Variants in KCNH8 observed in about 807,000 individuals in gnomAD.
The protein encoded by KCNH8 is potassium voltage-gated channel subfamily H member 8, also known as voltage-gated delayed rectifier potassium channel KCNH8.
KCNH8 carries 70 observed loss-of-function variants against 103.6 expected under a neutral mutation model. The observed-to-expected ratio is 0.68, with a 90% CI of 0.56 to 0.82. The LOEUF (loss-of-function observed/expected upper bound fraction) is 0.82, where lower values mean the gene tolerates loss of function less well. Ranked by LOEUF, KCNH8 falls within the 40% of genes least tolerant of loss-of-function variation. The pLI, the probability that KCNH8 is intolerant of heterozygous loss-of-function variation, is 0.00. For missense variants in KCNH8, 1,217 were observed against 1,329.9 expected (o/e 0.92, Z 1.32); for synonymous variants, 498 against 489.4 (o/e 1.02, Z -0.23).
intron 11 of KCNH8, among the ~76,000 whole-genome samples, chr3:19,509,302 A>G (rs1575158764): frequency 6.6e-6 from 1 of 152,234 alleles, no homozygotes. Flanking sequence ...TCATCTAGGG[A>G]AAAAAATGAG....
In KCNH8 at chr3:19,535,604, A is replaced by C. The variant is rs1255293096; in HGVS notation, c.*1505A>C. ...TTCTCTTTATTTTCCACCACAAAAA[A>C]TAATCTGAGAATTGTATCATTAAAA... is the stretch of plus-strand genomic sequence containing the variant. On this transcript the variant is annotated 3_prime_UTR_variant, in exon 16 of 16. Transcript: ENST00000328405. 1 of 152,248 alleles carries C rather than the reference A, an allele frequency of 6.6e-6. No homozygotes were observed. The highest frequency in any genetic ancestry group is 1.5e-5 in the Non-Finnish European group (1 of 68,048). 9.4% of individuals were successfully genotyped at this position (152,248 alleles called of 1,614,324 possible).
At chr3:19,486,910 G>A (rs1270633017) in intron 11 of KCNH8, among the ~76,000 whole-genome samples, 1 of 152,080 alleles carries the variant, frequency 6.6e-6, no homozygotes, top group Non-Finnish European at 1.5e-5. Context: ...TGAATCCCAG[G>A]TAGCATACCT....
chr3:19,437,508 T>G (rs1251584922), intron 7 of KCNH8, among the ~76,000 whole-genome samples: 1 of 152,170 alleles, frequency 6.6e-6, no homozygotes, highest in African/African-American at 2.4e-5. Context: ...GTAGAGGGGC[T>G]TTCAATTCTA....
chr3:19,329,352 A>C (rs923550436), intron 3 of KCNH8, among the ~76,000 whole-genome samples: 1 of 152,200 alleles, frequency 6.6e-6, no homozygotes, highest in Admixed American at 6.6e-5. Flanking sequence ...TGGAAAGCAC[A>C]CTCAGAAGGC....
intron 2 of KCNH8, among the ~76,000 whole-genome samples, chr3:19,276,175 A>G (rs202052214): frequency 7.2e-4 from 102 of 141,986 alleles, no homozygotes; most frequent in African/African-American, 1.5e-3. Flanking sequence ...CAATATGTAT[A>G]TGTGTGTGTG....
At position 19,363,701 on chromosome 3, in the gene KCNH8, A is replaced by C. The variant is rs1451061805; in HGVS notation, c.811+15736A>C. On this transcript the variant is annotated intron_variant, in intron 5 of 15. Transcript: ENST00000328405. ...AATGCTTGTTACACTAGTAGCCCCC[A>C]AAAAGGTACTTTAATTCTAGGATTC... is the stretch of plus-strand genomic sequence containing the variant. 3.3e-5 allele frequency among the ~76,000 whole-genome samples: 5 copies of C among 152,134 alleles called. No homozygotes were observed. The East Asian group carries it at 5.8e-4, about 18-fold the overall frequency.
Position 19,518,011 on chromosome 3 carries a change from A to G in KCNH8, c.2556A>G (p.Gly852=). The G allele has an allele frequency of 6.2e-7, 1 of 1,612,150 alleles. No homozygotes were observed. ...GTCACTTTTCAGATCCAGAGATTGGAGCTGCTGTTCTCTTCATCAAAGCAG... is the reference window on the plus strand; with the variant it reads ...GTCACTTTTCAGATCCAGAGATTGGGGCTGCTGTTCTCTTCATCAAAGCAG... ...ISPPLGDPEI[G]AAVLFIKAEE... The change falls in exon 15 of 16, where the codon GGA becomes GGG. Residue 852 remains glycine (G), a synonymous_variant. Coordinates refer to ENST00000328405, the MANE Select transcript of KCNH8 (RefSeq NM_144633.3).
chr3:19,398,058 G>T (rs763169733), intron 7 of KCNH8, among the ~76,000 whole-genome samples: 4 of 151,846 alleles, frequency 2.6e-5, no homozygotes, highest in Non-Finnish European at 5.9e-5. Flanking sequence ...AGAGCATGTT[G>T]TTCCTTATGT....
At chr3:19,299,498 CT>C (rs930136955) in intron 3 of KCNH8, among the ~76,000 whole-genome samples, 39 of 152,200 alleles carry the variant, frequency 2.6e-4, no homozygotes, top group African/African-American at 8.4e-4. Flanking sequence ...CAAAAAGTGT[CT>C]CGTCTTGTTT....
intron 1 of KCNH8, among the ~76,000 whole-genome samples, chr3:19,165,031 G>A (rs1393134757): frequency 6.6e-6 from 1 of 152,112 alleles, no homozygotes; most frequent in African/African-American, 2.4e-5. Context: ...AATTACAAGA[G>A]ACATGAAGAA....
chr3:19,474,369 G>C (rs1433723223), intron 11 of KCNH8, among the ~76,000 whole-genome samples: 1 of 152,176 alleles, frequency 6.6e-6, no homozygotes, highest in African/African-American at 2.4e-5. Flanking sequence ...CCTCCAGTTT[G>C]ATCAGATTCA....
intron 7 of KCNH8, among the ~76,000 whole-genome samples, chr3:19,417,030 A>G (rs1036588713): frequency 6.6e-6 from 1 of 151,818 alleles, no homozygotes. Flanking sequence ...CATCATTACC[A>G]CTGATTAGCT....
rs530289548 is a variant in KCNH8 at position 19,533,098 on chromosome 3, G to A, written c.2620-297G>A. 7.2e-5 allele frequency among the ~76,000 whole-genome samples: 11 copies of A among 151,772 alleles called. No individual in the cohort carries two copies. The East Asian group carries it at 2.1e-3, about 30-fold the overall frequency. The stretch of plus-strand genomic sequence containing the variant: ...GGGCGCCTGTAGTCCCAGCTACTCG[G>A]TAGGCTGAGGCAGGAGCATGGCGTG... On this transcript the variant is annotated intron_variant, in intron 15 of 15. Transcript: ENST00000328405.
At chr3:19,266,646 A>G (rs1399175312) in intron 2 of KCNH8, among the ~76,000 whole-genome samples, 1 of 152,100 alleles carries the variant, frequency 6.6e-6, no homozygotes, top group South Asian at 2.1e-4. Flanking sequence ...CCTGATATAT[A>G]GTAAATGCTA....
At chr3:19,283,812 G>A (rs117608252) in intron 3 of KCNH8, among the ~76,000 whole-genome samples, 3,540 of 151,108 alleles carry the variant, frequency 0.023, 107 homozygotes, top group East Asian at 0.084. Flanking sequence ...TCATGGTGGT[G>A]CGCACTTGTA....
At chr3:19,377,478 A>G (rs1289015886) in intron 5 of KCNH8, among the ~76,000 whole-genome samples, 1 of 152,212 alleles carries the variant, frequency 6.6e-6, no homozygotes, top group South Asian at 2.1e-4. Context: ...TATCCAATAT[A>G]TTTATGCTAA....
At chr3:19,493,049 G>A (rs2125225722) in intron 11 of KCNH8, among the ~76,000 whole-genome samples, 1 of 152,130 alleles carries the variant, frequency 6.6e-6, no homozygotes, top group East Asian at 1.9e-4. Context: ...GTATAGAAAT[G>A]CTATTGATTT....
intron 11 of KCNH8, among the ~76,000 whole-genome samples, chr3:19,494,294 G>C (rs2068390450): frequency 1.3e-5 from 2 of 152,158 alleles, no homozygotes; most frequent in African/African-American, 2.4e-5. Context: ...GTGTTGGTGG[G>C]AGGGACCCAG....
At chr3:19,449,695 C>A (rs1303865341) in intron 8 of KCNH8, among the ~76,000 whole-genome samples, 1 of 151,842 alleles carries the variant, frequency 6.6e-6, no homozygotes, top group Admixed American at 6.6e-5. Flanking sequence ...TAAACTATAA[C>A]TTTATAGCTT....
Sources: allele counts gnomAD v4.1 joint callset (sites outside exome capture counted in the v4.1 genomes callset), GRCh38; gene constraint gnomAD v4.1.1; transcripts MANE v1.5; gene names NCBI Gene and HGNC (gene_info 2026-07-23, HGNC 2026-07-21).